XKR9: variants seen among roughly 807,000 people sequenced by gnomAD.
XKR9 encodes the protein XK-related protein 9.
XKR9 carries 32 observed loss-of-function variants against 32.0 expected under a neutral mutation model. The ratio of observed to expected loss-of-function variants is 1.00; its 90% CI spans 0.76 to 1.34. The LOEUF is 1.34. Among genes scored for constraint, XKR9 ranks in the 40% most tolerant of loss-of-function variants. The pLI is 0.00. For synonymous variants in XKR9, 168 were observed against 143.4 expected (o/e 1.17, Z -1.22); for missense variants, 546 against 429.7 (o/e 1.27, Z -2.39).
intron 2 of XKR9, among the ~76,000 whole-genome samples, chr8:70,744,302 C>G (rs1899869): frequency 8.6e-6 from 1 of 116,294 alleles, no homozygotes; most frequent in Non-Finnish European, 1.9e-5. Flanking sequence ...CAGAGCGAGA[C>G]TTCGCCTCAA....
chr8:70,785,594 G>A (rs1586898162), intron 2 of XKR9, among the ~76,000 whole-genome samples: 2 of 150,266 alleles, frequency 1.3e-5, no homozygotes, highest in East Asian at 2.0e-4. Flanking sequence ...GAGGTAGAAT[G>A]TTAAGTTGTT....
At chr8:70,953,763 C>T in the XKR9 span, among the ~76,000 whole-genome samples, 12 of 152,366 alleles carry the variant, frequency 7.9e-5, no homozygotes, top group South Asian at 2.1e-4. Context: ...GTGCTTCTCA[C>T]TGACCTGGAT....
the XKR9 span, among the ~76,000 whole-genome samples, chr8:70,934,215 A>T: frequency 9.9e-5 from 15 of 152,148 alleles, no homozygotes; most frequent in Non-Finnish European, 2.2e-4. Context: ...TATTCTGTTG[A>T]AATGGAATGC....
In XKR9 at chr8:70,681,183, C is replaced by G; in HGVS notation, c.125C>G (p.Ala42Gly). Residue 42 changes from alanine (A) to glycine (G), a missense_variant, in exon 3 of 5, where the codon GCT becomes GGT. Coordinates refer to ENST00000408926, the MANE Select transcript of XKR9 (RefSeq NM_001011720.2). The stretch of plus-strand genomic sequence containing the variant: ...CATGAAGGACAGTATGTTTTTAGTG[C>G]TTTAGCGTTAAGCTTTATGCTTTTT... ...FFHEGQYVFSALALSFMLFGT... is the reference protein window; with the variant it reads ...FFHEGQYVFSGLALSFMLFGT... 6.2e-7 allele frequency: 1 copy of G among 1,613,476 alleles called. No individual in the cohort carries two copies. The highest frequency in any genetic ancestry group is 8.5e-7 in the Non-Finnish European group (1 of 1,179,606).
At chr8:70,958,491 TG>T in the XKR9 span, among the ~76,000 whole-genome samples, 7 of 152,228 alleles carry the variant, frequency 4.6e-5, no homozygotes, top group African/African-American at 1.7e-4. Context: ...GTTGGCTGCA[TG>T]TATGTCTTCT....
chr8:70,982,001 T>A, the XKR9 span, among the ~76,000 whole-genome samples: 1 of 152,224 alleles, frequency 6.6e-6, no homozygotes, highest in Non-Finnish European at 1.5e-5. Context: ...TCTATGTTCA[T>A]GTCTTGCAGC....
chr8:70,826,921 T>A, the XKR9 span, among the ~76,000 whole-genome samples: 1 of 152,132 alleles, frequency 6.6e-6, no homozygotes, highest in East Asian at 1.9e-4. Flanking sequence ...GACCATTTTT[T>A]AAAAAAGGTT....
chr8:71,055,829 ATTGT>A, the XKR9 span, among the ~76,000 whole-genome samples: 11 of 152,236 alleles, frequency 7.2e-5, no homozygotes, highest in African/African-American at 2.4e-4. Context: ...TCTAAAAGTA[ATTGT>A]TTGAGTTCTT....
At chr8:70,763,488 A>T (rs1444954512) in intron 2 of XKR9, among the ~76,000 whole-genome samples, 2 of 152,174 alleles carry the variant, frequency 1.3e-5, no homozygotes, top group Non-Finnish European at 2.9e-5. Flanking sequence ...ATAGAATTTG[A>T]GAATTCATGG....
intron 2 of XKR9, among the ~76,000 whole-genome samples, chr8:70,784,837 T>C (rs1377844750): frequency 6.6e-6 from 1 of 152,094 alleles, no homozygotes; most frequent in African/African-American, 2.4e-5. Flanking sequence ...AGGATTCTCA[T>C]ATATGGACTT....
the XKR9 span, among the ~76,000 whole-genome samples, chr8:70,869,981 G>A: frequency 6.6e-6 from 1 of 152,266 alleles, no homozygotes; most frequent in African/African-American, 2.4e-5. Context: ...CTATTGCAGT[G>A]TCTGGCATAT....
chr8:70,734,927 C>G lies in XKR9; in HGVS notation c.*503C>G, dbSNP rs927806894. 2 of 152,268 alleles carry G rather than the reference C, an allele frequency of 1.3e-5. No individual in the cohort carries two copies. The highest frequency in any genetic ancestry group is 4.8e-5 in the African/African-American group (2 of 41,432). The allele number at this position is 152,268 out of a possible 1,614,324, so 9.4% of individuals were successfully genotyped here. Reference sequence around the variant, plus strand: ...TGCTGTGCTTTCATCCATGAAATCTCCAATTCAGTAAGTGCAAAAGAGAAT... The same window carrying G: ...TGCTGTGCTTTCATCCATGAAATCTGCAATTCAGTAAGTGCAAAAGAGAAT... On this transcript the variant is annotated 3_prime_UTR_variant, in exon 5 of 5. Transcript: ENST00000408926.
intron 3 of XKR9, among the ~76,000 whole-genome samples, chr8:70,700,496 G>A (rs1453589641): frequency 2.0e-5 from 3 of 152,156 alleles, no homozygotes; most frequent in East Asian, 1.9e-4. Context: ...GCAGCACAGC[G>A]GATTTTCGTG....
chr8:70,952,548 A>G, the XKR9 span, among the ~76,000 whole-genome samples: 6 of 152,138 alleles, frequency 3.9e-5, no homozygotes, highest in South Asian at 2.1e-4. Flanking sequence ...ACTTTAGTGC[A>G]TCTCTGTGCC....
At chr8:70,986,160 G>A in the XKR9 span, among the ~76,000 whole-genome samples, 1 of 152,094 alleles carries the variant, frequency 6.6e-6, no homozygotes, top group South Asian at 2.1e-4. Flanking sequence ...AGTGATTTTT[G>A]GAGTTAACAA....
intron 3 of XKR9, among the ~76,000 whole-genome samples, chr8:70,698,154 T>G (rs1235812057): frequency 1.3e-5 from 2 of 152,190 alleles, no homozygotes; most frequent in African/African-American, 2.4e-5. Flanking sequence ...TTCATTAATT[T>G]TTTGAAGGTT....
the XKR9 span, among the ~76,000 whole-genome samples, chr8:71,064,541 A>G: frequency 1.3e-5 from 2 of 152,204 alleles, no homozygotes; most frequent in Admixed American, 6.5e-5. Flanking sequence ...GTTTCAATGA[A>G]AAGCTCATTG....
the XKR9 span, among the ~76,000 whole-genome samples, chr8:70,805,040 A>G: frequency 1.3e-5 from 2 of 152,182 alleles, no homozygotes; most frequent in East Asian, 1.9e-4. Context: ...ATCAAAAAGA[A>G]CCATAATAAG....
the XKR9 span, among the ~76,000 whole-genome samples, chr8:70,917,864 A>T: frequency 1.3e-5 from 2 of 152,140 alleles, no homozygotes; most frequent in African/African-American, 2.4e-5. Flanking sequence ...TCTTCTTCCT[A>T]TGGGAATAAT....
Sources: gnomAD v4.1 joint callset for allele counts (sites outside exome capture counted in the v4.1 genomes callset) on GRCh38, gnomAD v4.1.1 for gene constraint, MANE v1.5 for transcripts, NCBI Gene and HGNC (gene_info 2026-07-23, HGNC 2026-07-21) for gene names.